Variants in TCP1 observed in about 807,000 individuals in gnomAD.
TCP1 encodes t-complex 1.
A neutral mutation model predicts 54.7 loss-of-function variants in TCP1; 6 were observed. The ratio of observed to expected loss-of-function variants is 0.11; its 90% CI spans 0.06 to 0.22. The LOEUF (loss-of-function observed/expected upper bound fraction) is 0.22. Ranked by LOEUF, TCP1 falls within the 10% of genes least tolerant of loss-of-function variation. The pLI is 1.00. For missense variants in TCP1, 511 were observed against 678.2 expected (o/e 0.75, Z 2.74); for synonymous variants, 225 against 229.7 (o/e 0.98, Z 0.19).
In TCP1 at chr6:159,778,873, A is replaced by T; in HGVS notation, c.*172T>A. 1 of 1,612,534 alleles carries T rather than the reference A, an allele frequency of 6.2e-7. No individual in the cohort carries two copies. The highest frequency in any genetic ancestry group is 8.5e-7 in the Non-Finnish European group (1 of 1,178,860). On this transcript the variant is annotated 3_prime_UTR_variant, in exon 12 of 12. Transcript: ENST00000321394. ...AACCTCAATTTCTTTTTAAACTAAT[A>T]AAGTACTAGGTTGCAATATGTGAAA...
chr6:159,780,216 C>T (rs1432162291), intron 9 of TCP1, 129 bp from the exon 10 acceptor site: 4 of 1,261,648 alleles, frequency 3.2e-6, no homozygotes, highest in East Asian at 2.3e-5. Flanking sequence ...TTAAGTCCTG[C>T]CTACACAGGA....
At chr6:159,789,271 C>T in intron 1 of TCP1, 134 bp downstream of exon 1, 1 of 984,120 alleles carries the variant, frequency 1.0e-6, no homozygotes, top group Non-Finnish European at 1.5e-6. Flanking sequence ...GGCGGGTGGG[C>T]TGGGTCCGGC....
chr6:159,783,911 T>A (rs1278887899), intron 7 of TCP1, 30 bp downstream of exon 7: 1 of 1,559,548 alleles, frequency 6.4e-7, no homozygotes, highest in African/African-American at 1.4e-5. Flanking sequence ...CACTCACACT[T>A]AAAAGGCCAA....
chr6:159,789,301 T>C, intron 1 of TCP1, 104 bp downstream of exon 1: 1 of 1,376,590 alleles, frequency 7.3e-7, no homozygotes, highest in Admixed American at 2.1e-5. Flanking sequence ...CCGAGGCCCT[T>C]TCTGCGGAGG....
At chr6:159,781,951 G>T (rs1483184049) in intron 7 of TCP1, among the ~76,000 whole-genome samples, 1 of 152,170 alleles carries the variant, frequency 6.6e-6, no homozygotes, top group African/African-American at 2.4e-5. Context: ...TTATCAATGT[G>T]GAAACTGCAC....
At chr6:159,784,211 C>T (rs9365096) in intron 6 of TCP1, 144 bp from the exon 7 acceptor site, 39 of 1,017,974 alleles carry the variant, frequency 3.8e-5, no homozygotes, top group South Asian at 1.7e-4. Context: ...ATTAAATGCA[C>T]GTAATTTCTT....
intron 1 of TCP1, chr6:159,789,109 C>G (rs997239361): frequency 3.4e-5 from 15 of 442,170 alleles, no homozygotes; most frequent in Non-Finnish European, 6.1e-5. Flanking sequence ...CACGTGCGAG[C>G]CCGGGAGGCC....
chr6:159,780,173 C>T, intron 9 of TCP1, 86 bp from the exon 10 acceptor site: 1 of 1,495,586 alleles, frequency 6.7e-7, no homozygotes, highest in Non-Finnish European at 9.1e-7. Flanking sequence ...AAAAAAATGG[C>T]ATTTTAATAA....
At chr6:159,785,240 C>T (rs891822408) in intron 5 of TCP1, 146 bp downstream of exon 5, 2 of 668,908 alleles carry the variant, frequency 3.0e-6, no homozygotes, top group African/African-American at 1.8e-5. Flanking sequence ...GCTATGTTGC[C>T]CACATTGGAC....
At chr6:159,788,724 G>A (rs1348058314) in intron 1 of TCP1, 2 of 152,980 alleles carry the variant, frequency 1.3e-5, no homozygotes, top group African/African-American at 2.4e-5. Context: ...GGTAGTCAAC[G>A]GGGAAGGTGG....
rs1347810680 is a variant in TCP1, at chr6:159,778,616, T to A, written c.*429A>T. 1 of 1,597,616 alleles carries A rather than the reference T, an allele frequency of 6.3e-7. No individual in the cohort carries two copies. On this transcript the variant is annotated 3_prime_UTR_variant, in exon 12 of 12. Transcript: ENST00000321394. ...GACAAGTTTAAGATTTTAAACTGTG[T>A]CCACAGAAGAATAAACAATCTAAAT...
chr6:159,779,017 CATT>C lies in TCP1; in HGVS notation c.*25_*27del, dbSNP rs778749096. The C allele has an allele frequency of 1.7e-5, 27 of 1,598,820 alleles. No homozygotes were observed. The highest frequency in any genetic ancestry group is 2.0e-5 in the Non-Finnish European group (23 of 1,168,406). ...CAAGGTACAAGACAATTGCATTTAA[CATT>C]GTTATAAATAAAAGGAACATCAGAT... On this transcript the variant is annotated 3_prime_UTR_variant, in exon 12 of 12. Coordinates refer to ENST00000321394, the MANE Select transcript of TCP1 (RefSeq NM_030752.3).
At chr6:159,782,944 G>A (rs1485634170) in intron 7 of TCP1, among the ~76,000 whole-genome samples, 2 of 152,204 alleles carry the variant, frequency 1.3e-5, no homozygotes, top group African/African-American at 2.4e-5. Context: ...CGAATTTCAC[G>A]CTAGAGACCT....
At position 159,778,599 on chromosome 6, in the gene TCP1, TAAGATTTTA is replaced by T. The variant is rs2114987810; in HGVS notation, c.*437_*445del. On this transcript the variant is annotated 3_prime_UTR_variant, in exon 12 of 12. Transcript: ENST00000321394. ...TACATTAAGAGGAAAAAGACAAGTT[TAAGATTTTA>T]AACTGTGTCCACAGAAGAATAAACA... 1 of 1,565,588 alleles carries T rather than the reference TAAGATTTTA, an allele frequency of 6.4e-7. No homozygotes were observed. The highest frequency in any genetic ancestry group is 2.3e-5 in the East Asian group (1 of 44,348).
In TCP1 at chr6:159,780,925, C is replaced by G. The variant is rs1245303044; in HGVS notation, c.973+10G>C. ...AAAGTATTTTATGTGACAGCCAGCA[C>G]AAGACATACCTCCAGAAGCTTTGGC... On this transcript the variant is annotated intron_variant, in intron 8 of 11. Coordinates refer to ENST00000321394, the MANE Select transcript of TCP1 (RefSeq NM_030752.3). The G allele has an allele frequency of 1.3e-6, 2 of 1,590,556 alleles. No homozygotes were observed. The highest frequency in any genetic ancestry group is 1.9e-5 in the Admixed American group (1 of 53,440).
At chr6:159,785,640 C>T (rs1780678384) in intron 4 of TCP1, 144 bp from the exon 5 acceptor site, 4 of 817,358 alleles carry the variant, frequency 4.9e-6, no homozygotes, top group African/African-American at 3.3e-5. Flanking sequence ...ATGAAAAAAC[C>T]CTCCCTCTTC....
chr6:159,788,090 C>G lies in TCP1; in HGVS notation c.118G>C (p.Gly40Arg). ...NIVKSSLGPV[G>R]LDKMLVDDIG... is the part of the protein sequence containing the mutation. The stretch of plus-strand genomic sequence containing the variant: ...TCATCCACCAACATTTTATCCAAGC[C>G]AACTGGACCAAGAGAACTTTTTACA... The change falls in exon 2 of 12, where the codon GGC becomes CGC. Residue 40 changes from glycine to arginine, a missense_variant. Physicochemically the swap from Gly to Arg is moderately radical, Grantham distance 125. Around this residue, in one of 5 missense-constraint regions of TCP1, gnomAD observed 54 missense variants for 111.8 expected, o/e 0.48. Transcript: ENST00000321394. The G allele has an allele frequency of 6.2e-7, 1 of 1,614,106 alleles. No individual in the cohort carries two copies. The highest frequency in any genetic ancestry group is 8.5e-7 in the Non-Finnish European group (1 of 1,180,032).
In TCP1 at chr6:159,778,636, C is replaced by A. The variant is rs755963322; in HGVS notation, c.*409G>T. ...CTGTGTCCACAGAAGAATAAACAAT[C>A]TAAATCTTTTCTCCCCCGTTAGGTC... On this transcript the variant is annotated 3_prime_UTR_variant, in exon 12 of 12. Transcript: ENST00000321394. 7 of 1,610,488 alleles carry A rather than the reference C, an allele frequency of 4.3e-6. No individual in the cohort carries two copies. The African/African-American group carries it at 8.0e-5, about 18-fold the overall frequency.
chr6:159,787,357 G>GAAAC (rs907050969), intron 3 of TCP1, among the ~76,000 whole-genome samples: 27 of 152,154 alleles, frequency 1.8e-4, no homozygotes, highest in African/African-American at 5.8e-4. Context: ...GATGGGGGAG[G>GAAAC]AAACAAGACT....
Sources: allele counts gnomAD v4.1 joint callset (sites outside exome capture counted in the v4.1 genomes callset), GRCh38; gene constraint gnomAD v4.1.1; regional missense constraint gnomAD v4.1.1; transcripts MANE v1.5; gene names NCBI Gene and HGNC (gene_info 2026-07-23, HGNC 2026-07-21).